PPARGC1A: variants seen among roughly 807,000 people sequenced by gnomAD.
PPARGC1A encodes peroxisome proliferator-activated receptor gamma coactivator 1-alpha.
PPARGC1A carries 25 observed loss-of-function variants against 88.7 expected under a neutral mutation model. The observed-to-expected ratio is 0.28, with a 90% CI of 0.21 to 0.39. PPARGC1A has a LOEUF of 0.39. Ranked by LOEUF, PPARGC1A falls within the 10% of genes least tolerant of loss-of-function variation. PPARGC1A has a pLI of 1.00. For synonymous variants in PPARGC1A, 363 were observed against 355.6 expected (o/e 1.02, Z -0.24); for missense variants, 880 against 968.7 (o/e 0.91, Z 1.22).
the PPARGC1A span, among the ~76,000 whole-genome samples, chr4:24,282,978 A>G: frequency 2.0e-5 from 3 of 152,240 alleles, no homozygotes; most frequent in Non-Finnish European, 4.4e-5. Context: ...AAATGGCTAC[A>G]GGTTTAAGCA....
the PPARGC1A span, among the ~76,000 whole-genome samples, chr4:24,369,501 AC>A: frequency 6.6e-6 from 1 of 152,114 alleles, no homozygotes; most frequent in Non-Finnish European, 1.5e-5. Context: ...CCTTATTATA[AC>A]CCTATGAAGT....
chr4:24,339,383 A>G, the PPARGC1A span, among the ~76,000 whole-genome samples: 1 of 148,400 alleles, frequency 6.7e-6, no homozygotes, highest in Non-Finnish European at 1.5e-5. Context: ...TCTTTATCTT[A>G]TTTCCCATTT....
At chr4:23,991,049 T>G in the PPARGC1A span, among the ~76,000 whole-genome samples, 6 of 152,092 alleles carry the variant, frequency 3.9e-5, no homozygotes, top group East Asian at 1.2e-3. Flanking sequence ...CCACTTAAAA[T>G]GAGAAAGAAA....
chr4:23,950,369 T>C, the PPARGC1A span, among the ~76,000 whole-genome samples: 1 of 152,038 alleles, frequency 6.6e-6, no homozygotes, highest in Non-Finnish European at 1.5e-5. Context: ...GACAAAAAGG[T>C]ACATCATTTG....
chr4:24,385,668 T>C, the PPARGC1A span, among the ~76,000 whole-genome samples: 1 of 152,130 alleles, frequency 6.6e-6, no homozygotes, highest in South Asian at 2.1e-4. Context: ...CTGGGACACA[T>C]ACACCCTCGC....
chr4:24,386,193 C>G, the PPARGC1A span, among the ~76,000 whole-genome samples: 3 of 152,070 alleles, frequency 2.0e-5, no homozygotes, highest in Non-Finnish European at 4.4e-5. Flanking sequence ...ATTCAACACC[C>G]CTTCATGCTA....
chr4:24,234,728 G>A, the PPARGC1A span, among the ~76,000 whole-genome samples: 1 of 152,302 alleles, frequency 6.6e-6, no homozygotes, highest in South Asian at 2.1e-4. Flanking sequence ...AAAGTAGCCT[G>A]GGAAAGTAAT....
At chr4:24,435,264 C>T in the PPARGC1A span, among the ~76,000 whole-genome samples, 11 of 152,264 alleles carry the variant, frequency 7.2e-5, no homozygotes, top group African/African-American at 1.4e-4. Context: ...CCTGTATCAC[C>T]GAGGGCCCAG....
intron 2 of PPARGC1A, among the ~76,000 whole-genome samples, chr4:23,852,825 T>C (rs969733015): frequency 1.3e-5 from 2 of 152,182 alleles, no homozygotes; most frequent in African/African-American, 4.8e-5. Flanking sequence ...GGGAAATAGA[T>C]ATGTACAAGA....
rs1275515236 is a variant in PPARGC1A, at chr4:23,813,875, C to A, written c.1608G>T (p.Val536=). 2 of 1,613,902 alleles carry A rather than the reference C, an allele frequency of 1.2e-6. No homozygotes were observed. The highest frequency in any genetic ancestry group is 1.7e-6 in the Non-Finnish European group (2 of 1,179,948). Reference sequence around the variant, plus strand: ...AGTTAAAAGAAGAACAAGAAGGAGACACATTGAACAATGAATAGGATTGCG... The same window carrying A: ...AGTTAAAAGAAGAACAAGAAGGAGAAACATTGAACAATGAATAGGATTGCG... The part of the protein sequence containing the change: ...DGTQSYSLFN[V]SPSCSSFNSP... Residue 536 remains valine (V), a synonymous_variant, in exon 8 of 13, where the codon GTG becomes GTT. Transcript: ENST00000264867.
chr4:23,800,187 G>T (rs902888350), intron 12 of PPARGC1A, among the ~76,000 whole-genome samples: 15 of 152,056 alleles, frequency 9.9e-5, no homozygotes, highest in African/African-American at 3.6e-4. Context: ...CAGAGAAAGT[G>T]CATATAGATA....
At chr4:24,242,511 C>G in the PPARGC1A span, among the ~76,000 whole-genome samples, 2 of 152,160 alleles carry the variant, frequency 1.3e-5, no homozygotes, top group Non-Finnish European at 2.9e-5. Context: ...GTCACGATCT[C>G]CATAAAGTCT....
the PPARGC1A span, among the ~76,000 whole-genome samples, chr4:24,183,797 C>T: frequency 1.5e-3 from 234 of 152,334 alleles, no homozygotes; most frequent in African/African-American, 5.4e-3. Context: ...CAACTTAGTG[C>T]TTTCCTCACG....
At chr4:24,119,467 GCAGT>G in the PPARGC1A span, among the ~76,000 whole-genome samples, 13 of 152,272 alleles carry the variant, frequency 8.5e-5, 1 homozygote, top group South Asian at 2.1e-3. Context: ...TGGCAACTGA[GCAGT>G]CAAACTGTCA....
the PPARGC1A span, among the ~76,000 whole-genome samples, chr4:23,931,055 G>A: frequency 1.8e-3 from 265 of 147,240 alleles, no homozygotes; most frequent in Non-Finnish European, 2.8e-3. Flanking sequence ...TCACAGTCTA[G>A]TGAGGGGCAG....
intron 2 of PPARGC1A, among the ~76,000 whole-genome samples, chr4:23,863,666 T>C (rs1423621595): frequency 6.6e-6 from 1 of 152,184 alleles, no homozygotes; most frequent in Non-Finnish European, 1.5e-5. Context: ...AAAATAATAA[T>C]GAGATGAAAG....
the PPARGC1A span, among the ~76,000 whole-genome samples, chr4:24,289,209 G>A: frequency 1.2e-4 from 13 of 112,226 alleles, no homozygotes; most frequent in Non-Finnish European, 2.0e-4. Flanking sequence ...GACAGAGTGA[G>A]ACTCCGTCTC....
the PPARGC1A span, among the ~76,000 whole-genome samples, chr4:24,361,899 T>C: frequency 6.6e-6 from 1 of 152,214 alleles, no homozygotes. Flanking sequence ...ATTGCTTCCC[T>C]AACCTAAACA....
the PPARGC1A span, among the ~76,000 whole-genome samples, chr4:24,443,254 GTT>G: frequency 0.28 from 40,675 of 145,078 alleles, 6,373 homozygotes; most frequent in East Asian, 0.6. Context: ...AAATGTATGG[GTT>G]TTTTTTTTTT....
Sources: gnomAD v4.1 joint callset for allele counts (sites outside exome capture counted in the v4.1 genomes callset) on GRCh38, gnomAD v4.1.1 for gene constraint, MANE v1.5 for transcripts, NCBI Gene and HGNC (gene_info 2026-07-23, HGNC 2026-07-21) for gene names.